The following DOCK2 variants were observed in gnomAD, a reference collection of about 807,000 sequenced individuals.
DOCK2 encodes the protein dedicator of cytokinesis 2.
In DOCK2, 87 loss-of-function variants were observed where a neutral mutation model predicts 248.9. That is an observed-to-expected ratio of 0.35 (90% CI 0.29 to 0.42). DOCK2 has a LOEUF of 0.42. Ranked by LOEUF, DOCK2 falls within the 10% of genes least tolerant of loss-of-function variation. The pLI is 1.00. For synonymous variants in DOCK2, 805 were observed against 821.6 expected, an observed-to-expected ratio of 0.98 and a Z score of 0.35; for missense variants, 1,747 against 2,300.2, an observed-to-expected ratio of 0.76 and a Z score of 4.92.
At chr5:170,001,446 G>C (rs575993528) in intron 30 of DOCK2, among the ~76,000 whole-genome samples, 35 of 152,278 alleles carry the variant, frequency 2.3e-4, no homozygotes, top group Non-Finnish European at 3.5e-4. Flanking sequence ...TTCAGCAGAA[G>C]AGCAGGGTGG....
At chr5:169,746,312 A>T (rs1468450362) in intron 22 of DOCK2, among the ~76,000 whole-genome samples, 2 of 152,160 alleles carry the variant, frequency 1.3e-5, no homozygotes, top group African/African-American at 4.8e-5. Context: ...GAAAGACGGG[A>T]AAGAAGGGTG....
intron 22 of DOCK2, among the ~76,000 whole-genome samples, chr5:169,724,411 G>A (rs79744377): frequency 0.012 from 1,819 of 152,306 alleles, 43 homozygotes; most frequent in African/African-American, 0.042. Context: ...AGTTGACACA[G>A]GGCAGGCCAG....
At chr5:169,869,743 C>T (rs910977191) in intron 27 of DOCK2, among the ~76,000 whole-genome samples, 6 of 152,204 alleles carry the variant, frequency 3.9e-5, no homozygotes, top group African/African-American at 1.4e-4. Flanking sequence ...GCGTTGTTTG[C>T]AGACAGTGGG....
chr5:169,920,866 C>G (rs62384858), intron 27 of DOCK2, among the ~76,000 whole-genome samples: 62,125 of 152,014 alleles, frequency 0.41, 13,525 homozygotes, highest in African/African-American at 0.57. Flanking sequence ...ACACCTGTAT[C>G]TCCTCCAAGC....
At chr5:169,875,054 C>T (rs544800243) in intron 27 of DOCK2, among the ~76,000 whole-genome samples, 71 of 152,164 alleles carry the variant, frequency 4.7e-4, no homozygotes, top group African/African-American at 1.3e-3. Context: ...ATTCATCTTT[C>T]CAAAGATGTA....
chr5:169,894,923 C>T (rs1362286738), intron 27 of DOCK2, among the ~76,000 whole-genome samples: 1 of 152,310 alleles, frequency 6.6e-6, no homozygotes, highest in South Asian at 2.1e-4. Flanking sequence ...AATGTCCCGT[C>T]TGCTGGTTTT....
intron 25 of DOCK2, among the ~76,000 whole-genome samples, chr5:169,771,280 GTTTTTC>G (rs1406579507): frequency 6.6e-6 from 1 of 152,072 alleles, no homozygotes; most frequent in African/African-American, 2.4e-5. Flanking sequence ...TCTTTTGACT[GTTTTTC>G]TTTTTTCTTT....
chr5:169,744,408 A>T (rs1454980862), intron 22 of DOCK2, among the ~76,000 whole-genome samples: 1 of 152,144 alleles, frequency 6.6e-6, no homozygotes, highest in East Asian at 1.9e-4. Flanking sequence ...GAGTCTCTTC[A>T]TCTGTACAAT....
At chr5:169,919,650 G>A (rs771719263) in intron 27 of DOCK2, among the ~76,000 whole-genome samples, 8 of 152,130 alleles carry the variant, frequency 5.3e-5, no homozygotes, top group Non-Finnish European at 1.0e-4. Flanking sequence ...AGTTATCGTG[G>A]GGTCTTTTGC....
chr5:169,826,236 T>C (rs1485576858), intron 26 of DOCK2, among the ~76,000 whole-genome samples: 3 of 152,146 alleles, frequency 2.0e-5, no homozygotes, highest in African/African-American at 7.2e-5. Flanking sequence ...GTTTTGTGGG[T>C]ACTCAAAAAG....
rs1337598640 is a variant in DOCK2, at chr5:169,764,803, G to A, written c.2554+3178G>A. 2.0e-5 allele frequency among the ~76,000 whole-genome samples: 3 copies of A among 152,052 alleles called. No individual in the cohort carries two copies. Among genetic ancestry groups the A allele is most frequent in the Non-Finnish European group, 4.4e-5 (3 of 68,026 alleles). On this transcript the variant is annotated intron_variant, in intron 25 of 51. Coordinates refer to ENST00000520908, the MANE Select transcript of DOCK2 (RefSeq NM_004946.3). The surrounding 1 kb of genome is among the most constrained non-coding windows in gnomAD (Gnocchi z 4.3). Reference sequence around the variant, plus strand: ...GACACAGGACCTAATGAATAAAAGGGCCTTGGTTGGTACATGCTCTCCATT... The same window carrying A: ...GACACAGGACCTAATGAATAAAAGGACCTTGGTTGGTACATGCTCTCCATT...
chr5:169,896,582 AG>A (rs1773623859), intron 27 of DOCK2, among the ~76,000 whole-genome samples: 1 of 152,242 alleles, frequency 6.6e-6, no homozygotes, highest in African/African-American at 2.4e-5. Context: ...CTTTCAGAAA[AG>A]CGCCTGTCAG....
At position 169,702,374 on chromosome 5, in the gene DOCK2, A is replaced by G. The variant is rs1457117554; in HGVS notation, c.1330A>G (p.Arg444Gly). 1 of 1,613,974 alleles carries G rather than the reference A, an allele frequency of 6.2e-7. No individual in the cohort carries two copies. The highest frequency in any genetic ancestry group is 1.3e-5 in the African/African-American group (1 of 75,030). Residue 444 changes from arginine (R) to glycine (G), a missense_variant, in exon 14 of 52, where the codon AGG becomes GGG. By Grantham distance (125) the Arg-to-Gly change is moderately radical (BLOSUM62 -2). Transcript: ENST00000520908. Reference sequence around the variant, plus strand: ...TGACAAGTACAACAAGACCACACAGAGGAATGTGGAAGTCATCATGTGTGT... The same window carrying G: ...TGACAAGTACAACAAGACCACACAGGGGAATGTGGAAGTCATCATGTGTGT... ...DFDKYNKTTQRNVEVIMCVCA... is the reference protein window; with the variant it reads ...DFDKYNKTTQGNVEVIMCVCA...
intron 27 of DOCK2, among the ~76,000 whole-genome samples, chr5:169,866,627 T>C (rs1771578665): frequency 6.6e-6 from 1 of 152,172 alleles, no homozygotes; most frequent in Admixed American, 6.5e-5. Flanking sequence ...GCTAATCCAG[T>C]GAATCTGTGT....
At position 170,008,681 on chromosome 5, in the gene DOCK2, C is replaced by T. The variant is rs771338223; in HGVS notation, c.3174-7C>T. 8 of 1,614,026 alleles carry T rather than the reference C, an allele frequency of 5.0e-6. No individual in the cohort carries two copies. The highest frequency in any genetic ancestry group is 6.8e-6 in the Non-Finnish European group (8 of 1,179,970). On this transcript the variant is annotated splice_polypyrimidine_tract_variant and splice_region_variant and intron_variant, in intron 31 of 51. Coordinates refer to ENST00000520908, the MANE Select transcript of DOCK2 (RefSeq NM_004946.3). ...GTGCCTGAAGCAGAGGTTTTTGTTC[C>T]TCCTAGGTATGGGGACATGAGACGG... is the stretch of plus-strand genomic sequence containing the variant.
chr5:169,873,205 C>T (rs918145753), intron 27 of DOCK2, among the ~76,000 whole-genome samples: 1 of 152,172 alleles, frequency 6.6e-6, no homozygotes, highest in African/African-American at 2.4e-5. Flanking sequence ...TTCCTTTACA[C>T]TCTAGGGAGA....
intron 26 of DOCK2, among the ~76,000 whole-genome samples, chr5:169,814,971 A>C (rs1767977190): frequency 6.6e-6 from 1 of 152,204 alleles, no homozygotes; most frequent in African/African-American, 2.4e-5. Context: ...CAAATGAATA[A>C]TTAGGTAATT....
chr5:169,935,643 G>A (rs1467559665), intron 27 of DOCK2, among the ~76,000 whole-genome samples: 2 of 152,306 alleles, frequency 1.3e-5, no homozygotes, highest in African/African-American at 2.4e-5. Flanking sequence ...TCATAGTGAG[G>A]TGGTGATGAA....
At chr5:169,985,431 C>T (rs1022779374) in intron 28 of DOCK2, among the ~76,000 whole-genome samples, 2 of 150,806 alleles carry the variant, frequency 1.3e-5, no homozygotes, top group Non-Finnish European at 2.9e-5. Context: ...ATTTACAGCA[C>T]TGCTAATTAG....
Sources: allele counts gnomAD v4.1 joint callset (sites outside exome capture counted in the v4.1 genomes callset), GRCh38; gene constraint gnomAD v4.1.1; non-coding constraint Gnocchi (gnomAD v3.1); transcripts MANE v1.5; gene names NCBI Gene and HGNC (gene_info 2026-07-23, HGNC 2026-07-21).